Variants in ANTXR1 observed in about 807,000 individuals in gnomAD.
The protein encoded by ANTXR1 is ANTXR cell adhesion molecule 1, also known as anthrax toxin receptor 1.
ANTXR1 carries 19 observed loss-of-function variants against 78.1 expected under a neutral mutation model. The observed-to-expected ratio is 0.24, with a 90% confidence interval of 0.17 to 0.36. The LOEUF is 0.36. Among genes scored for constraint, ANTXR1 ranks in the 10% least tolerant of loss-of-function variants. ANTXR1 has a pLI of 1.00. For missense variants in ANTXR1, 518 were observed against 718.6 expected (o/e 0.72, Z 3.19); for synonymous variants, 273 against 260.5 (o/e 1.05, Z -0.46).
intron 12 of ANTXR1, among the ~76,000 whole-genome samples, chr2:69,138,930 A>T (rs1236879885): frequency 1.3e-5 from 2 of 152,206 alleles, no homozygotes; most frequent in African/African-American, 4.8e-5. Flanking sequence ...ATAGGTATCT[A>T]TAAAGCTCAA....
At position 69,206,617 on chromosome 2, in the gene ANTXR1, C is replaced by A. The variant is rs1329465986; in HGVS notation, c.1434+13202C>A. Among the ~76,000 whole-genome samples the A allele has an allele frequency of 5.3e-5, 8 of 152,324 alleles. No homozygotes were observed. The South Asian group carries it at 1.7e-3, about 32-fold the overall frequency. Reference sequence around the variant, plus strand: ...CTTAGCAGAGTTCCTGAAGCCATTGCTTTAGTGTCCCACCACATCTGTAGG... The same window carrying A: ...CTTAGCAGAGTTCCTGAAGCCATTGATTTAGTGTCCCACCACATCTGTAGG... On this transcript the variant is annotated intron_variant, in intron 17 of 17. Transcript: ENST00000303714.
At chr2:69,048,416 T>C (rs906557867) in intron 3 of ANTXR1, among the ~76,000 whole-genome samples, 30 of 152,194 alleles carry the variant, frequency 2.0e-4, no homozygotes, top group African/African-American at 7.0e-4. Context: ...TATTCAGAAA[T>C]TTAGCACCCC....
intron 3 of ANTXR1, among the ~76,000 whole-genome samples, chr2:69,066,444 C>T (rs535741865): frequency 1.1e-3 from 168 of 152,200 alleles, no homozygotes; most frequent in African/African-American, 3.9e-3. Context: ...TACAGGCATA[C>T]ACCACCATGC....
chr2:69,223,332 G>A (rs1281764549), intron 17 of ANTXR1, among the ~76,000 whole-genome samples: 1 of 152,206 alleles, frequency 6.6e-6, no homozygotes, highest in Non-Finnish European at 1.5e-5. Flanking sequence ...TCTAATTCCT[G>A]TGTCACTCTC....
rs1676026531 is a variant in ANTXR1, at chr2:69,246,548, C to G, written c.*1063C>G. 1 of 152,014 alleles carries G rather than the reference C, an allele frequency of 6.6e-6. No individual in the cohort carries two copies. The highest frequency in any genetic ancestry group is 2.4e-5 in the African/African-American group (1 of 41,356). 9.4% of individuals were successfully genotyped at this position (152,014 alleles called of 1,614,324 possible). A position where few individuals can be genotyped will look rare whatever the true frequency, so the allele number is the denominator to read the frequency against. On this transcript the variant is annotated 3_prime_UTR_variant, in exon 18 of 18. Coordinates refer to ENST00000303714, the MANE Select transcript of ANTXR1 (RefSeq NM_032208.3). ...CTGGGCAGAGCTGAGAGACAATGGT[C>G]CTGACATAATAAGGATCTTTGATTA... is the stretch of plus-strand genomic sequence containing the variant.
At chr2:69,170,450 G>A (rs1337165871) in intron 14 of ANTXR1, among the ~76,000 whole-genome samples, 161 bp downstream of exon 14, 2 of 152,166 alleles carry the variant, frequency 1.3e-5, no homozygotes, top group African/African-American at 4.8e-5. Context: ...GAAACTGTCT[G>A]GCCTTTCCTA....
At chr2:69,164,389 T>A (rs13016276) in intron 13 of ANTXR1, among the ~76,000 whole-genome samples, 3 of 152,118 alleles carry the variant, frequency 2.0e-5, no homozygotes, top group East Asian at 3.9e-4. Flanking sequence ...TATTAAGTGC[T>A]TATTTGAGAG....
At chr2:69,122,744 C>G (rs951701411) in intron 10 of ANTXR1, among the ~76,000 whole-genome samples, 2 of 152,126 alleles carry the variant, frequency 1.3e-5, no homozygotes, top group African/African-American at 2.4e-5. Flanking sequence ...TCCCTCCCCC[C>G]TCCTCCCACC....
At chr2:69,186,413 T>C (rs1674417067) in intron 16 of ANTXR1, among the ~76,000 whole-genome samples, 1 of 152,254 alleles carries the variant, frequency 6.6e-6, no homozygotes, top group Non-Finnish European at 1.5e-5. Flanking sequence ...GGACATTTGC[T>C]CAGCCTTGGA....
chr2:69,234,628 T>C (rs576438002), intron 17 of ANTXR1, among the ~76,000 whole-genome samples: 58 of 152,136 alleles, frequency 3.8e-4, no homozygotes, highest in Non-Finnish European at 7.4e-4. Flanking sequence ...ATTGGCCAGG[T>C]GGTGCACTCC....
intron 3 of ANTXR1, among the ~76,000 whole-genome samples, chr2:69,046,702 TG>T (rs1333927098): frequency 6.6e-6 from 1 of 152,194 alleles, no homozygotes; most frequent in Non-Finnish European, 1.5e-5. Flanking sequence ...CTCAGGAGAC[TG>T]GCTAAAAGAA....
rs1272061157 is a variant in ANTXR1 at position 69,099,067 on chromosome 2, T to C, written c.704-3775T>C. ...ATAACTATCTAATTCCAGAATATTT[T>C]CATCACTCCAAGAAGAAACCCTATA... On this transcript the variant is annotated intron_variant, in intron 9 of 17. Coordinates refer to ENST00000303714, the MANE Select transcript of ANTXR1 (RefSeq NM_032208.3). 2.0e-5 allele frequency among the ~76,000 whole-genome samples: 3 copies of C among 152,184 alleles called. No homozygotes were observed. In the East Asian group the frequency reaches 5.8e-4, roughly 29 times the overall value.
intron 1 of ANTXR1, among the ~76,000 whole-genome samples, chr2:69,016,147 T>A (rs1274950677): frequency 1.3e-5 from 2 of 152,190 alleles, no homozygotes; most frequent in Non-Finnish European, 2.9e-5. Flanking sequence ...GGTAGAAAAG[T>A]TCTATATCTG....
At chr2:69,146,424 T>C (rs1486989131) in intron 12 of ANTXR1, 2 of 960,942 alleles carry the variant, frequency 2.1e-6, no homozygotes, top group Non-Finnish European at 2.5e-6. Context: ...ACTTAGGCTA[T>C]TGAGAAAATA....
intron 10 of ANTXR1, among the ~76,000 whole-genome samples, chr2:69,104,024 C>T (rs919308513): frequency 1.3e-4 from 20 of 151,554 alleles, no homozygotes; most frequent in African/African-American, 4.4e-4. Flanking sequence ...CTGCAACCTC[C>T]GCCTCCCAAG....
chr2:69,184,830 G>A (rs539341788), intron 16 of ANTXR1, among the ~76,000 whole-genome samples: 12 of 152,272 alleles, frequency 7.9e-5, no homozygotes, highest in East Asian at 3.9e-4. Context: ...TTTCAAACCC[G>A]GCTGAGTGTC....
intron 17 of ANTXR1, among the ~76,000 whole-genome samples, chr2:69,211,076 A>G (rs1052365810): frequency 3.9e-5 from 6 of 152,162 alleles, no homozygotes; most frequent in African/African-American, 1.4e-4. Context: ...AAGGCTACAG[A>G]GAGGAGGTGT....
At chr2:69,178,790 A>T (rs1674199266) in intron 14 of ANTXR1, among the ~76,000 whole-genome samples, 3 of 152,198 alleles carry the variant, frequency 2.0e-5, no homozygotes, top group Admixed American at 1.3e-4. Context: ...ACCACACCAG[A>T]ACTTCACCTT....
At chr2:69,081,650 C>T (rs1670905104) in intron 8 of ANTXR1, among the ~76,000 whole-genome samples, 1 of 152,168 alleles carries the variant, frequency 6.6e-6, no homozygotes, top group Admixed American at 6.5e-5. Context: ...TCCAATGTTA[C>T]AGATGAAGAA....
Sources: gnomAD v4.1 joint callset for allele counts (sites outside exome capture counted in the v4.1 genomes callset) on GRCh38, gnomAD v4.1.1 for gene constraint, MANE v1.5 for transcripts, NCBI Gene and HGNC (gene_info 2026-07-23, HGNC 2026-07-21) for gene names.